The following GULP1 variants were observed in gnomAD, a reference collection of about 807,000 sequenced individuals.
GULP1 encodes PTB domain-containing engulfment adapter protein 1.
GULP1 carries 19 observed loss-of-function variants against 40.9 expected under a neutral mutation model. The ratio of observed to expected loss-of-function variants is 0.46; its 90% confidence interval spans 0.32 to 0.68. The LOEUF is 0.68. Among genes scored for constraint, GULP1 ranks in the 30% least tolerant of loss-of-function variants. The pLI is 0.03. For synonymous variants in GULP1, 119 were observed against 117.6 expected (o/e 1.01, Z -0.08); for missense variants, 312 against 362.2 (o/e 0.86, Z 1.12).
At chr2:188,558,538 C>T (rs112140459) in intron 7 of GULP1, among the ~76,000 whole-genome samples, 3,246 of 152,132 alleles carry the variant, frequency 0.021, 108 homozygotes, top group African/African-American at 0.074. Context: ...CAGTAGAGTG[C>T]GGTGTTGCTG....
intron 4 of GULP1, among the ~76,000 whole-genome samples, chr2:188,487,348 T>C (rs899195934): frequency 3.9e-5 from 6 of 152,022 alleles, no homozygotes; most frequent in Non-Finnish European, 8.8e-5. Flanking sequence ...GCAAGGATGT[T>C]TAAGAATGAA....
At chr2:188,321,945 G>A (rs1202471625) in intron 1 of GULP1, among the ~76,000 whole-genome samples, 3 of 152,120 alleles carry the variant, frequency 2.0e-5, no homozygotes, top group Non-Finnish European at 2.9e-5. Flanking sequence ...AACCTAGGAG[G>A]CGGAGGTTGC....
intron 1 of GULP1, among the ~76,000 whole-genome samples, chr2:188,295,926 G>C (rs188413529): frequency 1.2e-4 from 19 of 152,022 alleles, no homozygotes; most frequent in Non-Finnish European, 2.5e-4. Context: ...TGAATGGTAG[G>C]TGATTTTAAT....
chr2:188,550,933 C>G (rs1288647431), intron 7 of GULP1, among the ~76,000 whole-genome samples: 3 of 151,474 alleles, frequency 2.0e-5, no homozygotes, highest in Non-Finnish European at 4.4e-5. Context: ...TACCAATTTT[C>G]ATGTCTCCAT....
intron 1 of GULP1, among the ~76,000 whole-genome samples, chr2:188,302,195 A>G (rs1032079418): frequency 1.2e-4 from 19 of 152,178 alleles, no homozygotes; most frequent in Non-Finnish European, 2.4e-4. Flanking sequence ...ATCACCATGC[A>G]TTAAGTTTTT....
chr2:188,506,979 G>A (rs1300608307), intron 4 of GULP1, among the ~76,000 whole-genome samples: 1 of 151,948 alleles, frequency 6.6e-6, no homozygotes, highest in Admixed American at 6.6e-5. Context: ...CTGTGGAGTG[G>A]CTAAGACTGT....
At chr2:188,343,118 G>C (rs540977888) in intron 1 of GULP1, among the ~76,000 whole-genome samples, 16 of 152,178 alleles carry the variant, frequency 1.1e-4, no homozygotes, top group African/African-American at 2.6e-4. Flanking sequence ...AGACAAATCT[G>C]GATGTTATTC....
intron 4 of GULP1, among the ~76,000 whole-genome samples, chr2:188,507,570 A>G (rs2064059170): frequency 6.6e-6 from 1 of 151,844 alleles, no homozygotes; most frequent in Non-Finnish European, 1.5e-5. Flanking sequence ...GTGTATTTTA[A>G]TAGCATGCAT....
intron 2 of GULP1, among the ~76,000 whole-genome samples, chr2:188,423,624 CT>C (rs1364058990): frequency 6.6e-6 from 1 of 151,630 alleles, no homozygotes; most frequent in Non-Finnish European, 1.5e-5. Flanking sequence ...CAAAGTTTCT[CT>C]GCTAATCAGT....
At chr2:188,482,620 T>G in intron 3 of GULP1, among the ~76,000 whole-genome samples, 1 of 151,782 alleles carries the variant, frequency 6.6e-6, no homozygotes, top group East Asian at 1.9e-4. Flanking sequence ...CCATTATGCA[T>G]TCCTCAAAAT....
At chr2:188,422,498 A>G (rs1228095941) in intron 2 of GULP1, among the ~76,000 whole-genome samples, 1 of 151,668 alleles carries the variant, frequency 6.6e-6, no homozygotes, top group Admixed American at 6.6e-5. Context: ...AGCCCTGGGA[A>G]ATTTGATATT....
intron 2 of GULP1, among the ~76,000 whole-genome samples, chr2:188,438,832 A>C (rs1049355710): frequency 6.6e-6 from 1 of 152,036 alleles, no homozygotes; most frequent in African/African-American, 2.4e-5. Flanking sequence ...ACAATGCTTA[A>C]TATTATTGAT....
chr2:188,475,503 A>G (rs2060938548), intron 2 of GULP1, among the ~76,000 whole-genome samples: 1 of 152,004 alleles, frequency 6.6e-6, no homozygotes, highest in African/African-American at 2.4e-5. Flanking sequence ...TTTTTAAATC[A>G]TATAGTATTA....
chr2:188,297,509 C>A, intron 1 of GULP1: 1 of 483,484 alleles, frequency 2.1e-6, no homozygotes. Context: ...CACCAGTCCT[C>A]CAGGAACATC....
chr2:188,413,006 G>A (rs1258933687), intron 2 of GULP1, among the ~76,000 whole-genome samples: 2 of 152,082 alleles, frequency 1.3e-5, no homozygotes, highest in African/African-American at 4.8e-5. Context: ...GAAAACTAAA[G>A]TCTAGAGGAT....
chr2:188,309,791 G>T (rs533055086), intron 1 of GULP1, among the ~76,000 whole-genome samples: 2 of 152,304 alleles, frequency 1.3e-5, no homozygotes, highest in African/African-American at 4.8e-5. Flanking sequence ...AGTGGATGAA[G>T]GCTGCTGGGG....
chr2:188,336,578 A>C (rs1194530732), intron 1 of GULP1, among the ~76,000 whole-genome samples: 1 of 152,174 alleles, frequency 6.6e-6, no homozygotes, highest in African/African-American at 2.4e-5. Context: ...AAATGGAAAA[A>C]CAAGGAAGAA....
chr2:188,368,939 GTATATATATATA>G (rs56274020), intron 1 of GULP1, among the ~76,000 whole-genome samples: 1,241 of 86,074 alleles, frequency 0.014, 66 homozygotes, highest in African/African-American at 0.046. Context: ...ATATATGTGT[GTATATATATATA>G]TATATATATA....
At chr2:188,473,641 C>A (rs1414543330) in intron 2 of GULP1, among the ~76,000 whole-genome samples, 1 of 152,180 alleles carries the variant, frequency 6.6e-6, no homozygotes, top group Non-Finnish European at 1.5e-5. Context: ...TGTGCTGAAT[C>A]TTGCCAGTCC....
Sources: allele counts gnomAD v4.1 joint callset (sites outside exome capture counted in the v4.1 genomes callset), GRCh38; gene constraint gnomAD v4.1.1; transcripts MANE v1.5; gene names NCBI Gene and HGNC (gene_info 2026-07-23, HGNC 2026-07-21).